Variants in ZNF469 observed in about 807,000 individuals in gnomAD.
ZNF469 encodes the protein zinc finger protein 469.
In ZNF469, 1 loss-of-function variant was observed where a neutral mutation model predicts 1.0. That is an observed-to-expected ratio of 1.00 (90% confidence interval 0.35 to 4.73). The LOEUF (loss-of-function observed/expected upper bound fraction) is 4.73, where lower values mean the gene tolerates loss of function less well. ZNF469 is among the 30% of genes most tolerant of loss of function. ZNF469 has a pLI of 0.16. For missense variants in ZNF469, 6,100 were observed against 5,356.3 expected, an observed-to-expected ratio of 1.14 and a Z score of -4.33; for synonymous variants, 2,703 against 2,363.4, an observed-to-expected ratio of 1.14 and a Z score of -4.17.
At position 88,439,092 on chromosome 16, in the gene ZNF469, A is replaced by G. The variant is rs888362318; in HGVS notation, c.11622A>G (p.Pro3874=). ...GCCAGAACAAACCCAGGCCGCCACC[A>G]TCAGAGCAGCGGAAGGCAGAGCCGG... ...PNSQNKPRPP[P]SEQRKAEPGH... is the part of the protein sequence containing the mutation. Residue 3874 remains proline (P), a synonymous_variant, in exon 3 of 3, where the codon CCA becomes CCG. Coordinates refer to ENST00000565624, the MANE Select transcript of ZNF469 (RefSeq NM_001367624.2). 1.9e-6 allele frequency: 3 copies of G among 1,550,820 alleles called. No individual in the cohort carries two copies. The highest frequency in any genetic ancestry group is 1.2e-5 in the South Asian group (1 of 84,060).
rs1906825137 is a variant in ZNF469, at chr16:88,439,143, G to A, written c.11673G>A (p.Leu3891=). Residue 3891 remains leucine, a synonymous_variant, in exon 3 of 3, where the codon CTG becomes CTA. Transcript: ENST00000565624. ...EPGHTQRKDR[L]GKAFPQGRPL... ...GCCACACACAGAGGAAGGACAGACT[G>A]GGCAAGGCCTTCCCCCAGGGGAGAC... 1 of 1,550,742 alleles carries A rather than the reference G, an allele frequency of 6.4e-7. No homozygotes were observed. Among genetic ancestry groups the A allele is most frequent in the African/African-American group, 1.4e-5 (1 of 73,188 alleles).
chr16:88,116,505 G>A, the ZNF469 span, among the ~76,000 whole-genome samples: 40,481 of 152,130 alleles, frequency 0.27, 5,766 homozygotes, highest in Non-Finnish European at 0.31. Context: ...CACTCTTGGG[G>A]CGTTTATTCC....
chr16:88,371,927 TC>T, the ZNF469 span, among the ~76,000 whole-genome samples: 1 of 6,036 alleles, frequency 1.7e-4, no homozygotes, highest in South Asian at 2.3e-3. Context: ...ATTACCACCA[TC>T]ACCATCACCA....
the ZNF469 span, among the ~76,000 whole-genome samples, chr16:88,239,696 T>C: frequency 3.0e-4 from 2 of 6,604 alleles, 1 homozygote; most frequent in Non-Finnish European, 5.0e-4. Flanking sequence ...TATATATATA[T>C]ATATATATAT....
chr16:88,163,949 T>C, the ZNF469 span, among the ~76,000 whole-genome samples: 1 of 148,854 alleles, frequency 6.7e-6, no homozygotes, highest in Non-Finnish European at 1.5e-5. Context: ...GCTGGGTGGG[T>C]GGCTGGATGA....
At position 88,437,324 on chromosome 16, in the gene ZNF469, C is replaced by T; in HGVS notation, c.9854C>T (p.Ala3285Val). The change falls in exon 3 of 3, where the codon GCC becomes GTC. Residue 3285 changes from alanine (A) to valine (V), a missense_variant. Physicochemically the swap from Ala to Val is moderately conservative, Grantham distance 64. Transcript: ENST00000565624. ...ARSTPSNPDG[A>V]ATPDSASATA... The stretch of plus-strand genomic sequence containing the variant: ...AGCACCCCCAGCAACCCAGACGGGG[C>T]CGCGACCCCAGACAGCGCCTCTGCC... The T allele has an allele frequency of 6.5e-7, 1 of 1,547,062 alleles. No homozygotes were observed. The highest frequency in any genetic ancestry group is 2.5e-5 in the East Asian group (1 of 40,792).
intron 1 of ZNF469, among the ~76,000 whole-genome samples, chr16:88,388,037 G>T (rs2142262810): frequency 6.6e-6 from 1 of 152,372 alleles, no homozygotes; most frequent in South Asian, 2.1e-4. Context: ...GTTACCAAGT[G>T]GGGTGCACAG....
the ZNF469 span, among the ~76,000 whole-genome samples, chr16:88,266,735 T>A: frequency 4.6e-5 from 7 of 152,202 alleles, no homozygotes; most frequent in Non-Finnish European, 7.4e-5. Context: ...CTTCTGGAGT[T>A]GGAGCAAGTG....
chr16:88,432,473 A>T lies in ZNF469; in HGVS notation c.5003A>T (p.His1668Leu). The change falls in exon 3 of 3, where the codon CAT becomes CTT. Residue 1668 changes from histidine (H) to leucine (L), a missense_variant. Transcript: ENST00000565624. The part of the protein sequence containing the change: ...WPCPASFHPG[H>L]AALLPCAQED... Reference sequence around the variant, plus strand: ...TGCCCAGCCTCCTTCCATCCGGGACATGCAGCCCTTCTCCCCTGTGCCCAG... The same window carrying T: ...TGCCCAGCCTCCTTCCATCCGGGACTTGCAGCCCTTCTCCCCTGTGCCCAG... The T allele has an allele frequency of 6.5e-7, 1 of 1,550,362 alleles. No homozygotes were observed.
the ZNF469 span, among the ~76,000 whole-genome samples, chr16:88,115,089 C>T: frequency 7.5e-3 from 1,141 of 152,294 alleles, 18 homozygotes; most frequent in African/African-American, 0.026. Context: ...GGTGGTTCTG[C>T]CCCTGCCCAG....
chr16:88,330,392 C>G, the ZNF469 span, among the ~76,000 whole-genome samples: 5 of 152,256 alleles, frequency 3.3e-5, no homozygotes, highest in African/African-American at 1.2e-4. Flanking sequence ...ATAGCCACGC[C>G]TTCTGAAAAG....
the ZNF469 span, among the ~76,000 whole-genome samples, chr16:88,320,271 C>T: frequency 6.6e-6 from 1 of 152,366 alleles, no homozygotes; most frequent in Admixed American, 6.5e-5. Context: ...GCTGATTACA[C>T]TGCCCTCATG....
chr16:88,434,775 G>T lies in ZNF469; in HGVS notation c.7305G>T (p.Gln2435His). 6.5e-7 allele frequency: 1 copy of T among 1,550,344 alleles called. No homozygotes were observed. ...SHRNASHQTPQGDPLGPQDLK... is the reference protein window; with the variant it reads ...SHRNASHQTPHGDPLGPQDLK... Reference sequence around the variant, plus strand: ...GAAATGCCTCCCACCAGACTCCCCAGGGGGACCCCCTCGGCCCCCAAGACC... The same window carrying T: ...GAAATGCCTCCCACCAGACTCCCCATGGGGACCCCCTCGGCCCCCAAGACC... The change falls in exon 3 of 3, where the codon CAG (glutamine) becomes CAT (histidine). Residue 2435 changes from glutamine to histidine, a missense_variant. Transcript: ENST00000565624.
At chr16:88,391,053 G>A (rs951882685) in intron 1 of ZNF469, among the ~76,000 whole-genome samples, 3 of 152,188 alleles carry the variant, frequency 2.0e-5, no homozygotes, top group Non-Finnish European at 2.9e-5. Flanking sequence ...GACCAGCTCC[G>A]GCTGCCGTCC....
Position 88,429,192 on chromosome 16 carries a change from G to A in ZNF469, c.1722G>A (p.Gly574=), listed in dbSNP as rs1905935024. 1.3e-6 allele frequency: 2 copies of A among 1,549,678 alleles called. No homozygotes were observed. The highest frequency in any genetic ancestry group is 1.4e-5 in the African/African-American group (1 of 72,960). Residue 574 remains glycine (G), a synonymous_variant, in exon 3 of 3, where the codon GGG becomes GGA. Transcript: ENST00000565624. ...GVAQPQVSPH[G]TPSLPPPRVV... ...CCCAGCCCCAGGTTTCACCCCACGG[G>A]ACACCCAGCCTGCCCCCACCGAGGG...
chr16:88,202,044 C>T, the ZNF469 span, among the ~76,000 whole-genome samples: 1 of 152,144 alleles, frequency 6.6e-6, no homozygotes, highest in African/African-American at 2.4e-5. Flanking sequence ...GACTTCCTGC[C>T]GTGCTCCCCC....
chr16:88,324,910 C>G, the ZNF469 span, among the ~76,000 whole-genome samples: 1 of 152,272 alleles, frequency 6.6e-6, no homozygotes, highest in African/African-American at 2.4e-5. Context: ...GCTCACAGTT[C>G]TGTAGGCCGT....
chr16:88,208,716 C>G, the ZNF469 span, among the ~76,000 whole-genome samples: 6 of 150,510 alleles, frequency 4.0e-5, no homozygotes, highest in African/African-American at 1.5e-4. Flanking sequence ...CAAGATAGGA[C>G]AAGAAAAGAC....
chr16:88,318,962 G>A, the ZNF469 span, among the ~76,000 whole-genome samples: 3 of 152,206 alleles, frequency 2.0e-5, no homozygotes, highest in Admixed American at 1.3e-4. Flanking sequence ...TTGTTTGGGA[G>A]CCCAAAAGTC....
Sources: allele counts gnomAD v4.1 joint callset (sites outside exome capture counted in the v4.1 genomes callset), GRCh38; gene constraint gnomAD v4.1.1; transcripts MANE v1.5; gene names NCBI Gene and HGNC (gene_info 2026-07-23, HGNC 2026-07-21).